The following FAM78B variants were observed in gnomAD, a reference collection of about 807,000 sequenced individuals.
FAM78B encodes protein FAM78B.
In FAM78B, 10 loss-of-function variants were observed where a neutral mutation model predicts 20.0. The ratio of observed to expected loss-of-function variants is 0.50; its 90% CI spans 0.31 to 0.85. FAM78B has a LOEUF of 0.85. Among genes scored for constraint, FAM78B ranks in the 40% least tolerant of loss-of-function variants. The pLI, the probability that FAM78B is intolerant of heterozygous loss-of-function variation, is 0.05. For synonymous variants in FAM78B, 135 were observed against 132.8 expected (o/e 1.02, Z -0.12); for missense variants, 283 against 345.0 (o/e 0.82, Z 1.42).
At chr1:166,113,929 T>C (rs1484359775) in intron 1 of FAM78B, among the ~76,000 whole-genome samples, 1 of 152,134 alleles carries the variant, frequency 6.6e-6, no homozygotes, top group African/African-American at 2.4e-5. Flanking sequence ...TGAAAACCAG[T>C]GAAGGTCAAA....
downstream of FAM78B, among the ~76,000 whole-genome samples, chr1:166,064,911 T>TC (rs1651744556): frequency 6.6e-6 from 1 of 152,208 alleles, no homozygotes; most frequent in South Asian, 2.1e-4. Flanking sequence ...TTTGTTCAAG[T>TC]CCAGCTACCA....
intron 1 of FAM78B, among the ~76,000 whole-genome samples, chr1:166,145,479 C>T (rs1359441582): frequency 6.6e-6 from 1 of 152,128 alleles, no homozygotes; most frequent in Non-Finnish European, 1.5e-5. Context: ...TTTTGATGGG[C>T]AAAGAGGAGG....
At chr1:166,097,021 A>G (rs2101743249) in intron 1 of FAM78B, among the ~76,000 whole-genome samples, 1 of 152,288 alleles carries the variant, frequency 6.6e-6, no homozygotes, top group Non-Finnish European at 1.5e-5. Flanking sequence ...ACGACCCAGG[A>G]GACCACCCCC....
intron 1 of FAM78B, among the ~76,000 whole-genome samples, chr1:166,152,876 C>T (rs1655737592): frequency 6.6e-6 from 1 of 152,004 alleles, no homozygotes; most frequent in Non-Finnish European, 1.5e-5. Context: ...CGAGGTTTCA[C>T]CATGTTGGCC....
intron 1 of FAM78B, among the ~76,000 whole-genome samples, chr1:166,123,350 G>A (rs1654529425): frequency 6.6e-6 from 1 of 152,318 alleles, no homozygotes; most frequent in Non-Finnish European, 1.5e-5. Flanking sequence ...CTCCCATAAC[G>A]GTGTTTCTCA....
chr1:166,072,818 T>C (rs550061032), intron 1 of FAM78B, among the ~76,000 whole-genome samples: 151 of 152,300 alleles, frequency 9.9e-4, no homozygotes, highest in African/African-American at 3.3e-3. Context: ...CTGTGGCGTA[T>C]TGCCTGGGGA....
chr1:166,125,863 T>C (rs1654623422), intron 1 of FAM78B, among the ~76,000 whole-genome samples: 1 of 147,904 alleles, frequency 6.8e-6, no homozygotes, highest in Admixed American at 6.9e-5. Context: ...GACTGCGTCT[T>C]GCTCTGTCGC....
At chr1:166,057,229 T>A (rs560752784), downstream of FAM78B, among the ~76,000 whole-genome samples, 1 of 152,336 alleles carries the variant, frequency 6.6e-6, no homozygotes, top group East Asian at 1.9e-4. Flanking sequence ...CCATGCTTTT[T>A]CCCATCTTAG....
intron 1 of FAM78B, among the ~76,000 whole-genome samples, chr1:166,088,526 G>C (rs1257543561): frequency 6.6e-6 from 1 of 152,128 alleles, no homozygotes; most frequent in Non-Finnish European, 1.5e-5. Flanking sequence ...TCAGTCTTCT[G>C]AGCAGTAAAA....
chr1:166,148,367 A>G (rs1655543908), intron 1 of FAM78B, among the ~76,000 whole-genome samples: 1 of 152,224 alleles, frequency 6.6e-6, no homozygotes, highest in Admixed American at 6.5e-5. Context: ...AAGCATCTAT[A>G]TAAGCATGAT....
intron 1 of FAM78B, among the ~76,000 whole-genome samples, chr1:166,077,704 AATAC>A (rs1290266638): frequency 1.4e-4 from 17 of 121,884 alleles, no homozygotes; most frequent in South Asian, 4.3e-4. Flanking sequence ...ATATATAATA[AATAC>A]ATATAATTAC....
intron 1 of FAM78B, among the ~76,000 whole-genome samples, chr1:166,073,487 T>TC (rs1652132564): frequency 6.7e-6 from 1 of 149,188 alleles, no homozygotes; most frequent in Non-Finnish European, 1.5e-5. Flanking sequence ...GCAGTGACCT[T>TC]CCCTTCTTCC....
intron 1 of FAM78B, among the ~76,000 whole-genome samples, chr1:166,163,161 C>T (rs1231534867): frequency 6.6e-6 from 1 of 152,190 alleles, no homozygotes; most frequent in Admixed American, 6.5e-5. Context: ...GTCAGGAGCC[C>T]TTCCTCCCCG....
chr1:166,073,536 CTTTTT>C (rs201582992), intron 1 of FAM78B, among the ~76,000 whole-genome samples: 13 of 135,804 alleles, frequency 9.6e-5, no homozygotes, highest in African/African-American at 3.3e-4. Context: ...CTCTTTCTCT[CTTTTT>C]TTTTTTTTTT....
Position 166,131,421 on chromosome 1 carries a change from T to G in FAM78B, c.263+34565A>C, listed in dbSNP as rs371632625. Among the ~76,000 whole-genome samples, 4 of 152,142 alleles carry G rather than the reference T, an allele frequency of 2.6e-5. No individual in the cohort carries two copies. In the East Asian group the frequency reaches 5.8e-4, roughly 22 times the overall value. On this transcript the variant is annotated intron_variant, in intron 1 of 1. Transcript: ENST00000354422. ...ACACCAGGCAAAACTGCTCCAGAGT[T>G]AAAGCAACTCCACTGTTCCACGTTA...
chr1:166,132,817 T>C (rs560818166), intron 1 of FAM78B, among the ~76,000 whole-genome samples: 2 of 152,330 alleles, frequency 1.3e-5, no homozygotes, highest in African/African-American at 4.8e-5. Context: ...CCCATATTGT[T>C]AGATAAACAG....
chr1:166,117,276 A>G (rs1557906211), intron 1 of FAM78B, among the ~76,000 whole-genome samples: 2 of 152,180 alleles, frequency 1.3e-5, no homozygotes. Context: ...TGCATTTTGT[A>G]TCTTGTGGGA....
chr1:166,125,911 A>T (rs1348691276), intron 1 of FAM78B, among the ~76,000 whole-genome samples: 1 of 144,826 alleles, frequency 6.9e-6, no homozygotes, highest in Admixed American at 7.2e-5. Context: ...AGCTCACTGC[A>T]ACCTCCACCT....
chr1:166,160,078 G>A (rs1656085364), intron 1 of FAM78B, among the ~76,000 whole-genome samples: 1 of 152,188 alleles, frequency 6.6e-6, no homozygotes, highest in African/African-American at 2.4e-5. Flanking sequence ...GAAATGGCGG[G>A]GGGAGAATGG....
Sources: allele counts gnomAD v4.1 joint callset (sites outside exome capture counted in the v4.1 genomes callset), GRCh38; gene constraint gnomAD v4.1.1; transcripts MANE v1.5; gene names NCBI Gene and HGNC (gene_info 2026-07-23, HGNC 2026-07-21).